The following SH3GL2 variants were observed in gnomAD, a reference collection of about 807,000 sequenced individuals.
The protein encoded by SH3GL2 is endophilin-A1.
Under a neutral mutation model 46.0 loss-of-function variants are expected in SH3GL2, and 24 were observed. That is an observed-to-expected ratio of 0.52 (90% CI 0.38 to 0.73). The LOEUF is 0.73. Ranked by LOEUF, SH3GL2 falls within the 30% of genes least tolerant of loss-of-function variation. The probability of loss-of-function intolerance (pLI) is 0.00; values close to 1 mark genes in which losing one functional copy is unlikely to be tolerated. For missense variants in SH3GL2, 413 were observed against 424.2 expected, an observed-to-expected ratio of 0.97 and a Z score of 0.23; for synonymous variants, 196 against 147.1, an observed-to-expected ratio of 1.33 and a Z score of -2.40.
chr9:17,756,040 G>C (rs1378645701), intron 2 of SH3GL2, among the ~76,000 whole-genome samples: 1 of 152,164 alleles, frequency 6.6e-6, no homozygotes, highest in East Asian at 1.9e-4. Flanking sequence ...TTTGGGGCCA[G>C]AGGGTCTCTG....
intron 1 of SH3GL2, among the ~76,000 whole-genome samples, chr9:17,651,917 G>C (rs1819968638): frequency 1.3e-5 from 2 of 152,102 alleles, no homozygotes; most frequent in South Asian, 4.2e-4. Flanking sequence ...GTGTGAGTCG[G>C]GGATCTTTGC....
At chr9:17,658,489 TA>T (rs1820141772) in intron 1 of SH3GL2, among the ~76,000 whole-genome samples, 1 of 152,200 alleles carries the variant, frequency 6.6e-6, no homozygotes, top group Non-Finnish European at 1.5e-5. Flanking sequence ...TAGCAATTAA[TA>T]AAAAATAGTA....
intron 8 of SH3GL2, 75 bp from the exon 9 acceptor site, chr9:17,795,469 C>A: frequency 8.5e-7 from 1 of 1,179,728 alleles, no homozygotes; most frequent in Non-Finnish European, 1.2e-6. Context: ...GTGGGTACAG[C>A]AGGCAGCAGA....
intron 1 of SH3GL2, among the ~76,000 whole-genome samples, chr9:17,738,495 TATAC>T (rs1482875757): frequency 3.4e-5 from 5 of 148,462 alleles, no homozygotes; most frequent in African/African-American, 1.2e-4. Context: ...CACACACACA[TATAC>T]ATACATATAT....
At chr9:17,693,426 G>T (rs932333932) in intron 1 of SH3GL2, among the ~76,000 whole-genome samples, 1 of 152,130 alleles carries the variant, frequency 6.6e-6, no homozygotes, top group African/African-American at 2.4e-5. Context: ...TCTAGGAGTT[G>T]CCATTACTTC....
chr9:17,752,932 G>T (rs1284445816), intron 2 of SH3GL2, among the ~76,000 whole-genome samples: 1 of 151,852 alleles, frequency 6.6e-6, no homozygotes, highest in African/African-American at 2.4e-5. Context: ...CATCATTTTT[G>T]TCCCACTTAT....
At chr9:17,707,958 C>T (rs374738918) in intron 1 of SH3GL2, among the ~76,000 whole-genome samples, 1 of 152,096 alleles carries the variant, frequency 6.6e-6, no homozygotes, top group East Asian at 1.9e-4. Context: ...CACATGTTCA[C>T]ACTTGTCCTC....
chr9:17,603,255 A>G (rs1351171237), intron 1 of SH3GL2, among the ~76,000 whole-genome samples: 2 of 152,224 alleles, frequency 1.3e-5, no homozygotes, highest in African/African-American at 2.4e-5. Flanking sequence ...TATTGACCAT[A>G]GTCAAGAGGT....
rs1473200897 is a variant in SH3GL2 at position 17,705,412 on chromosome 9, A to G, written c.46-41654A>G. On this transcript the variant is annotated intron_variant, in intron 1 of 8. Transcript: ENST00000380607. ...TTGGGTATATTCCTAAAGGAATATA[A>G]ATCATTCTACCATAAAGGCACATGT... Among the ~76,000 whole-genome samples, 6 of 152,218 alleles carry G rather than the reference A, an allele frequency of 3.9e-5. No homozygotes were observed. In the East Asian group the frequency reaches 1.2e-3, roughly 29 times the overall value.
chr9:17,705,333 G>A (rs1821444132), intron 1 of SH3GL2, among the ~76,000 whole-genome samples: 1 of 152,008 alleles, frequency 6.6e-6, no homozygotes, highest in South Asian at 2.1e-4. Flanking sequence ...AAGCAGTGTG[G>A]CAATTTCTTA....
At chr9:17,770,469 A>G (rs889107041) in intron 3 of SH3GL2, among the ~76,000 whole-genome samples, 5 of 152,170 alleles carry the variant, frequency 3.3e-5, no homozygotes, top group Admixed American at 3.3e-4. Context: ...CTCTAGGGTG[A>G]CTTGTACAGG....
At chr9:17,623,052 C>CCTTCCA (rs1819191410) in intron 1 of SH3GL2, among the ~76,000 whole-genome samples, 1 of 54,452 alleles carries the variant, frequency 1.8e-5, no homozygotes, top group Non-Finnish European at 4.1e-5. Flanking sequence ...TTCCCCTTCC[C>CCTTCCA]CTTCCCCTTC....
intron 2 of SH3GL2, among the ~76,000 whole-genome samples, chr9:17,758,911 T>C (rs1348736747): frequency 6.6e-6 from 1 of 152,152 alleles, no homozygotes; most frequent in African/African-American, 2.4e-5. Context: ...TTTTTATTCC[T>C]ACTTCTCTTT....
chr9:17,677,693 A>G (rs992211995), intron 1 of SH3GL2, among the ~76,000 whole-genome samples: 2 of 152,098 alleles, frequency 1.3e-5, no homozygotes, highest in African/African-American at 2.4e-5. Flanking sequence ...GGTTTGTTAC[A>G]TATGTATACA....
chr9:17,739,849 GC>G (rs1563834378), intron 1 of SH3GL2, among the ~76,000 whole-genome samples: 2 of 152,022 alleles, frequency 1.3e-5, no homozygotes, highest in Admixed American at 6.6e-5. Flanking sequence ...GGGAAATGGG[GC>G]TGAGAAAGTT....
intron 1 of SH3GL2, among the ~76,000 whole-genome samples, chr9:17,592,658 A>G (rs997056654): frequency 6.6e-6 from 1 of 152,186 alleles, no homozygotes; most frequent in African/African-American, 2.4e-5. Context: ...TAAAATGGAT[A>G]TTTTAATTTG....
intron 1 of SH3GL2, among the ~76,000 whole-genome samples, chr9:17,640,223 C>G (rs1819644819): frequency 6.6e-6 from 1 of 151,984 alleles, no homozygotes; most frequent in African/African-American, 2.4e-5. Context: ...ATCTTATTTG[C>G]TTCTACTAAT....
chr9:17,612,184 C>T (rs894309338), intron 1 of SH3GL2, among the ~76,000 whole-genome samples: 23 of 152,062 alleles, frequency 1.5e-4, no homozygotes, highest in African/African-American at 5.1e-4. Context: ...TAGTTCTGTG[C>T]ACAGAAGGAA....
At chr9:17,653,251 A>C (rs1314266869) in intron 1 of SH3GL2, among the ~76,000 whole-genome samples, 2 of 151,736 alleles carry the variant, frequency 1.3e-5, no homozygotes, top group South Asian at 2.1e-4. Flanking sequence ...TTTCTTTTCT[A>C]CCTTCCAGTG....
Sources: allele counts gnomAD v4.1 joint callset (sites outside exome capture counted in the v4.1 genomes callset), GRCh38; gene constraint gnomAD v4.1.1; transcripts MANE v1.5; gene names NCBI Gene and HGNC (gene_info 2026-07-23, HGNC 2026-07-21).